ADSS1: variants seen among roughly 807,000 people sequenced by gnomAD.
ADSS1 encodes the protein adenylosuccinate synthase 1, also known as adenylosuccinate synthetase isozyme 1.
In ADSS1, 57 loss-of-function variants were observed where a neutral mutation model predicts 59.1. The observed-to-expected ratio is 0.97, with a 90% CI of 0.78 to 1.20. The LOEUF (loss-of-function observed/expected upper bound fraction) is 1.20, where lower values mean the gene tolerates loss of function less well. Ranked by LOEUF, ADSS1 falls within the 50% of genes most tolerant of loss-of-function variation. ADSS1 has a pLI of 0.00. For synonymous variants in ADSS1, 247 were observed against 249.4 expected (o/e 0.99, Z 0.09); for missense variants, 603 against 610.3 (o/e 0.99, Z 0.13).
chr14:104,737,224 G>C (rs1205801665), intron 2 of ADSS1: 2 of 151,880 alleles, frequency 1.3e-5, no homozygotes, highest in Non-Finnish European at 2.9e-5. Flanking sequence ...TAAAACCCCC[G>C]AGCTCCACCC....
At chr14:104,726,325 G>A (rs905222565) in intron 1 of ADSS1, among the ~76,000 whole-genome samples, 1 of 152,236 alleles carries the variant, frequency 6.6e-6, no homozygotes, top group Non-Finnish European at 1.5e-5. Flanking sequence ...TGCCCACCAT[G>A]ATAGCCCAGG....
chr14:104,724,393 G>T lies in ADSS1; in HGVS notation c.123G>T (p.Trp41Cys). The T allele has an allele frequency of 7.9e-7, 1 of 1,260,740 alleles. No homozygotes were observed. Among genetic ancestry groups the T allele is most frequent in the African/African-American group, 1.5e-5 (1 of 65,586 alleles). 78.1% of individuals were successfully genotyped at this position (1,260,740 alleles called of 1,614,324 possible). ...TGACGGTGGTGCTGGGCGCGCAGTG[G>T]GGGGACGAGGGCAAAGGCAAGGTGG... The part of the protein sequence containing the change: ...SRVTVVLGAQ[W>C]GDEGKGKVVD... The change falls in exon 1 of 13, where the codon TGG becomes TGT. Residue 41 changes from tryptophan (W) to cysteine (C), a missense_variant. Coordinates refer to ENST00000330877, the MANE Select transcript of ADSS1 (RefSeq NM_152328.5).
chr14:104,741,806 A>G, intron 8 of ADSS1, 42 bp from the exon 9 acceptor site: 2 of 1,607,598 alleles, frequency 1.2e-6, no homozygotes, highest in Non-Finnish European at 1.7e-6. Context: ...AATAATCTAC[A>G]GGGGGTGACA....
chr14:104,744,711 C>G, intron 10 of ADSS1, 101 bp from the exon 11 acceptor site: 1 of 1,134,136 alleles, frequency 8.8e-7, no homozygotes, highest in Non-Finnish European at 1.3e-6. Flanking sequence ...ACTGGGGACC[C>G]CTGCTGTAAG....
chr14:104,739,996 C>T (rs976673402), intron 5 of ADSS1, among the ~76,000 whole-genome samples, 180 bp downstream of exon 5: 20 of 152,136 alleles, frequency 1.3e-4, no homozygotes, highest in African/African-American at 4.1e-4. Context: ...CGAGCCAGCC[C>T]GTCTCTCTCT....
intron 1 of ADSS1, among the ~76,000 whole-genome samples, chr14:104,725,296 G>A (rs1890687889): frequency 6.6e-6 from 1 of 152,232 alleles, no homozygotes; most frequent in South Asian, 2.1e-4. Context: ...GGGCAGCCAA[G>A]TCTGCTGCCC....
chr14:104,741,407 C>T (rs1891350800), intron 8 of ADSS1, among the ~76,000 whole-genome samples, 164 bp downstream of exon 8: 1 of 152,134 alleles, frequency 6.6e-6, no homozygotes, highest in African/African-American at 2.4e-5. Flanking sequence ...CCTTAGTGTT[C>T]CTATTGTCAG....
At position 104,739,285 on chromosome 14, in the gene ADSS1, G is replaced by A. The variant is rs548344710; in HGVS notation, c.359-43G>A. On this transcript the variant is annotated intron_variant, in intron 3 of 12. Transcript: ENST00000330877. ...TGGCCCCTCACGTGTGAGCTGCAGC[G>A]CACCTGTGAACACTGACCCACCTGT... 1.0e-4 allele frequency: 160 copies of A among 1,584,774 alleles called. 1 individual carries two copies. In the South Asian group the frequency reaches 1.7e-3, roughly 17 times the overall value.
intron 1 of ADSS1, chr14:104,729,993 C>T: frequency 6.3e-7 from 1 of 1,596,616 alleles, no homozygotes; most frequent in Non-Finnish European, 8.5e-7. Context: ...GCTCACAGCA[C>T]AGCCCTCCCC....
intron 1 of ADSS1, among the ~76,000 whole-genome samples, chr14:104,725,398 T>C (rs994425568): frequency 6.6e-6 from 1 of 152,140 alleles, no homozygotes; most frequent in Non-Finnish European, 1.5e-5. Flanking sequence ...CTGCCAATAA[T>C]GGAACAAGGG....
chr14:104,731,072 A>T (rs1890915572), intron 1 of ADSS1, among the ~76,000 whole-genome samples: 1 of 150,402 alleles, frequency 6.6e-6, no homozygotes, highest in Admixed American at 6.6e-5. Context: ...AGAGAGCGCC[A>T]GGGGGCCACC....
In ADSS1 at chr14:104,744,851, T is replaced by C. The variant is rs758354839; in HGVS notation, c.1113T>C (p.Gly371=). 2 of 1,613,958 alleles carry C rather than the reference T, an allele frequency of 1.2e-6. No homozygotes were observed. Among genetic ancestry groups the C allele is most frequent in the African/African-American group, 1.3e-5 (1 of 74,896 alleles). Residue 371 remains glycine, a synonymous_variant, in exon 11 of 13, where the codon GGT becomes GGC. Transcript: ENST00000330877. ...AGCTGGACATCCTGGACGTACTGGG[T>C]GAGGTTAAAGTCGGTGTCTCATACA... ...LTKLDILDVL[G]EVKVGVSYKL... is the part of the protein sequence containing the mutation.
chr14:104,742,939 C>A, intron 9 of ADSS1, 128 bp from the exon 10 acceptor site: 1 of 1,367,716 alleles, frequency 7.3e-7, no homozygotes. Flanking sequence ...GATGTAAGGA[C>A]TGTCGGTGGA....
chr14:104,733,905 C>T (rs1406205980), intron 1 of ADSS1, among the ~76,000 whole-genome samples: 1 of 152,162 alleles, frequency 6.6e-6, no homozygotes, highest in Non-Finnish European at 1.5e-5. Context: ...CCATGCCATC[C>T]AGTGGCTGGC....
chr14:104,728,390 C>G (rs746149082), intron 1 of ADSS1, among the ~76,000 whole-genome samples: 2 of 152,168 alleles, frequency 1.3e-5, no homozygotes, highest in Non-Finnish European at 2.9e-5. Context: ...GCAGGAACAC[C>G]AGTCCCGGGC....
intron 3 of ADSS1, among the ~76,000 whole-genome samples, 168 bp from the exon 4 acceptor site, chr14:104,739,160 G>A (rs1891237132): frequency 6.6e-6 from 1 of 152,120 alleles, no homozygotes; most frequent in Admixed American, 6.5e-5. Flanking sequence ...AGGAGACAAC[G>A]AGGGGCGGGT....
chr14:104,726,123 G>T (rs1566792501), intron 1 of ADSS1, among the ~76,000 whole-genome samples: 1 of 152,218 alleles, frequency 6.6e-6, no homozygotes, highest in Non-Finnish European at 1.5e-5. Flanking sequence ...CCTATAGCCT[G>T]AGGGAGCCCC....
At chr14:104,729,648 A>G in intron 1 of ADSS1, 1 of 103,468 alleles carries the variant, frequency 9.7e-6, no homozygotes. Flanking sequence ...CGTGGGGAGG[A>G]GCGTGGCGTC....
intron 1 of ADSS1, among the ~76,000 whole-genome samples, chr14:104,725,428 C>G (rs1291179916): frequency 6.6e-6 from 1 of 152,208 alleles, no homozygotes; most frequent in African/African-American, 2.4e-5. Context: ...CGTCCCTTCT[C>G]CGGGTTCTGT....
Sources: gnomAD v4.1 joint callset for allele counts (sites outside exome capture counted in the v4.1 genomes callset) on GRCh38, gnomAD v4.1.1 for gene constraint, MANE v1.5 for transcripts, NCBI Gene and HGNC (gene_info 2026-07-23, HGNC 2026-07-21) for gene names.